The following ERBB4 variants were observed in gnomAD, a reference collection of about 807,000 sequenced individuals.
The protein encoded by ERBB4 is erb-b2 receptor tyrosine kinase 4, also known as receptor tyrosine-protein kinase erbB-4.
ERBB4 carries 42 observed loss-of-function variants against 158.0 expected under a neutral mutation model. The observed-to-expected ratio is 0.27, with a 90% CI of 0.21 to 0.34. The LOEUF (loss-of-function observed/expected upper bound fraction) is 0.34. Ranked by LOEUF, ERBB4 falls within the 10% of genes least tolerant of loss-of-function variation. The pLI is 1.00. For synonymous variants in ERBB4, 583 were observed against 558.7 expected (o/e 1.04, Z -0.61); for missense variants, 1,333 against 1,624.1 (o/e 0.82, Z 3.08).
intron 20 of ERBB4, among the ~76,000 whole-genome samples, chr2:211,559,079 T>C (rs1322026883): frequency 6.6e-6 from 1 of 152,158 alleles, no homozygotes; most frequent in Non-Finnish European, 1.5e-5. Context: ...CTTGATTTTT[T>C]CCTACAAATG....
At chr2:211,394,503 A>C (rs1836719) in intron 25 of ERBB4, among the ~76,000 whole-genome samples, 2 of 151,924 alleles carry the variant, frequency 1.3e-5, no homozygotes, top group Non-Finnish European at 2.9e-5. Context: ...AGAAACCTAA[A>C]GAGGAAAACT....
At chr2:211,422,753 G>A (rs1315006447) in intron 23 of ERBB4, among the ~76,000 whole-genome samples, 6 of 151,632 alleles carry the variant, frequency 4.0e-5, no homozygotes, top group Admixed American at 1.3e-4. Context: ...TTAAAACCCC[G>A]AAAGAAAGGT....
intron 2 of ERBB4, among the ~76,000 whole-genome samples, chr2:212,071,813 A>G (rs1381399021): frequency 6.6e-6 from 1 of 152,122 alleles, no homozygotes; most frequent in African/African-American, 2.4e-5. Flanking sequence ...AGCTGGAAAG[A>G]TACATCTACT....
chr2:211,897,456 AT>A (rs1302897358), intron 3 of ERBB4, among the ~76,000 whole-genome samples: 3 of 151,732 alleles, frequency 2.0e-5, no homozygotes, highest in Admixed American at 2.0e-4. Flanking sequence ...AAAAAAAAAA[AT>A]CTGCCTGACA....
intron 19 of ERBB4, among the ~76,000 whole-genome samples, chr2:211,603,643 T>G (rs1225317841): frequency 6.6e-6 from 1 of 152,236 alleles, no homozygotes; most frequent in Admixed American, 6.5e-5. Flanking sequence ...AATCTTGGTC[T>G]TCACTCAATG....
chr2:211,559,279 C>T (rs768857505), intron 20 of ERBB4, among the ~76,000 whole-genome samples: 60 of 152,148 alleles, frequency 3.9e-4, no homozygotes, highest in Non-Finnish European at 6.5e-4. Context: ...CTTATATCGC[C>T]TCAATCTAAC....
At chr2:211,489,794 T>C (rs578151734) in intron 20 of ERBB4, among the ~76,000 whole-genome samples, 3 of 136,612 alleles carry the variant, frequency 2.2e-5, no homozygotes, top group African/African-American at 8.9e-5. Context: ...TTCATTCATT[T>C]ATTCAGCTAA....
chr2:212,484,904 C>T (rs1689896044), intron 1 of ERBB4, among the ~76,000 whole-genome samples: 1 of 152,194 alleles, frequency 6.6e-6, no homozygotes, highest in Non-Finnish European at 1.5e-5. Flanking sequence ...AGGGCTCCTT[C>T]CACCCACAAC....
chr2:212,121,224 T>TTTTGTATGTTTGTTTG (rs2079737627), intron 2 of ERBB4, among the ~76,000 whole-genome samples: 1 of 152,124 alleles, frequency 6.6e-6, no homozygotes, highest in Admixed American at 6.5e-5. Flanking sequence ...TATTCTGGTT[T>TTTTGTATGTTTGTTTG]TTTGTTTGTT....
chr2:211,914,575 G>A (rs943112771), intron 3 of ERBB4, among the ~76,000 whole-genome samples: 1 of 152,088 alleles, frequency 6.6e-6, no homozygotes, highest in Non-Finnish European at 1.5e-5. Flanking sequence ...TCTTTGAGGA[G>A]GCTTTAAACA....
intron 13 of ERBB4, among the ~76,000 whole-genome samples, chr2:211,675,859 A>T (rs1394832888): frequency 6.8e-6 from 1 of 146,728 alleles, no homozygotes; most frequent in Non-Finnish European, 1.5e-5. Context: ...ATATTTGATT[A>T]CTTTCAGTAG....
At chr2:212,416,188 G>C (rs1574877712) in intron 1 of ERBB4, among the ~76,000 whole-genome samples, 1 of 152,130 alleles carries the variant, frequency 6.6e-6, no homozygotes, top group Non-Finnish European at 1.5e-5. Flanking sequence ...TCAACGGAAA[G>C]TTACCCTCCA....
intron 2 of ERBB4, chr2:211,960,830 T>C (rs1313627612): frequency 6.6e-6 from 1 of 151,996 alleles, no homozygotes; most frequent in Non-Finnish European, 1.5e-5. Flanking sequence ...AATACCATCA[T>C]ATTGGGGATT....
intron 2 of ERBB4, among the ~76,000 whole-genome samples, chr2:212,069,352 A>G (rs974711574): frequency 6.6e-6 from 1 of 152,090 alleles, no homozygotes; most frequent in Non-Finnish European, 1.5e-5. Context: ...CAGAAAGAGC[A>G]TTTAAGAAAA....
At chr2:212,470,869 C>A (rs1689083701) in intron 1 of ERBB4, among the ~76,000 whole-genome samples, 1 of 151,946 alleles carries the variant, frequency 6.6e-6, no homozygotes. Context: ...TAAAAAGAAG[C>A]AGATACCAAT....
At chr2:211,572,998 T>C (rs548944524) in intron 19 of ERBB4, among the ~76,000 whole-genome samples, 1 of 152,202 alleles carries the variant, frequency 6.6e-6, no homozygotes, top group East Asian at 1.9e-4. Flanking sequence ...CCAGGTCATA[T>C]TCATCCCTGA....
intron 2 of ERBB4, among the ~76,000 whole-genome samples, chr2:211,957,024 C>T (rs1309372854): frequency 2.0e-5 from 3 of 151,840 alleles, no homozygotes. Context: ...AGATGGGGGT[C>T]TCATTATGTT....
intron 1 of ERBB4, among the ~76,000 whole-genome samples, chr2:212,407,675 C>T (rs1042739913): frequency 3.9e-5 from 6 of 151,934 alleles, no homozygotes; most frequent in Non-Finnish European, 7.4e-5. Context: ...ACATGAAAAA[C>T]ATTGGCTTTT....
intron 2 of ERBB4, among the ~76,000 whole-genome samples, chr2:211,991,029 A>G (rs1260862407): frequency 1.3e-5 from 2 of 152,010 alleles, no homozygotes; most frequent in African/African-American, 2.4e-5. Flanking sequence ...TATAAAATAT[A>G]CTATGGTCAA....
Sources: gnomAD v4.1 joint callset for allele counts (sites outside exome capture counted in the v4.1 genomes callset) on GRCh38, gnomAD v4.1.1 for gene constraint, MANE v1.5 for transcripts, NCBI Gene and HGNC (gene_info 2026-07-23, HGNC 2026-07-21) for gene names.